TRABD2B: variants seen among roughly 807,000 people sequenced by gnomAD.
TRABD2B encodes the protein metalloprotease TIKI2.
Under a neutral mutation model 40.1 loss-of-function variants are expected in TRABD2B, and 14 were observed. The ratio of observed to expected loss-of-function variants is 0.35; its 90% CI spans 0.23 to 0.55. TRABD2B has a LOEUF of 0.55. Among genes scored for constraint, TRABD2B ranks in the 20% least tolerant of loss-of-function variants. The pLI is 0.90. For synonymous variants in TRABD2B, 263 were observed against 277.0 expected, an observed-to-expected ratio of 0.95 and a Z score of 0.50; for missense variants, 541 against 648.6, an observed-to-expected ratio of 0.83 and a Z score of 1.80.
intron 2 of TRABD2B, among the ~76,000 whole-genome samples, chr1:47,956,309 T>C (rs774108242): frequency 6.6e-6 from 1 of 152,098 alleles, no homozygotes; most frequent in Non-Finnish European, 1.5e-5. Flanking sequence ...AGAAGACGGG[T>C]GATTTCTGCA....
intron 2 of TRABD2B, among the ~76,000 whole-genome samples, chr1:47,808,654 C>T (rs181167179): frequency 6.6e-6 from 1 of 152,282 alleles, no homozygotes; most frequent in Admixed American, 6.5e-5. Context: ...AGGACTATTT[C>T]CATATGACAA....
In TRABD2B at chr1:47,888,603, GAC is replaced by G. The variant is rs1367989481; in HGVS notation, c.667-86986_667-86985del. Among the ~76,000 whole-genome samples the G allele has an allele frequency of 2.6e-5, 4 of 152,270 alleles. No homozygotes were observed. The East Asian group carries it at 7.7e-4, about 29-fold the overall frequency. On this transcript the variant is annotated intron_variant, in intron 2 of 6. Transcript: ENST00000606738. ...TCTTGATCACCTCCAAACTGGGAGT[GAC>G]AGTGACTGTCACCTGCTTACCACAC...
At chr1:47,961,843 C>A (rs1290356448) in intron 2 of TRABD2B, among the ~76,000 whole-genome samples, 2 of 152,158 alleles carry the variant, frequency 1.3e-5, no homozygotes, top group Non-Finnish European at 2.9e-5. Context: ...TACCATTTGA[C>A]CCACCCATCT....
intron 2 of TRABD2B, among the ~76,000 whole-genome samples, chr1:47,934,130 T>C (rs1645075126): frequency 6.6e-6 from 1 of 152,228 alleles, no homozygotes; most frequent in African/African-American, 2.4e-5. Context: ...TTCTGTGAGA[T>C]GGCAAGCACT....
In TRABD2B at chr1:47,794,710, G is replaced by A; in HGVS notation, c.864C>T (p.Ala288=). Residue 288 remains alanine (A), a synonymous_variant, in exon 4 of 7, where the codon GCC becomes GCT. Coordinates refer to ENST00000606738, the MANE Select transcript of TRABD2B (RefSeq NM_001194986.2). ...TTLPPHEQVT[A]QEIDSYFRQE... is the part of the protein sequence containing the mutation. ...GGCGGAAGTAGCTGTCAATCTCCTGGGCCGTCACCTGCTCGTGTGGCGGGA... is the reference window on the plus strand; with the variant it reads ...GGCGGAAGTAGCTGTCAATCTCCTGAGCCGTCACCTGCTCGTGTGGCGGGA... 2 of 1,536,270 alleles carry A rather than the reference G, an allele frequency of 1.3e-6. No homozygotes were observed. Among genetic ancestry groups the A allele is most frequent in the South Asian group, 1.2e-5 (1 of 83,982 alleles).
At position 47,916,821 on chromosome 1, in the gene TRABD2B, T is replaced by C. The variant is rs190123966; in HGVS notation, c.666+77213A>G. 1.9e-3 allele frequency among the ~76,000 whole-genome samples: 284 copies of C among 152,362 alleles called. 1 individual carries two copies. The highest frequency in any genetic ancestry group is 6.6e-3 in the African/African-American group (273 of 41,580). On this transcript the variant is annotated intron_variant, in intron 2 of 6. Coordinates refer to ENST00000606738, the MANE Select transcript of TRABD2B (RefSeq NM_001194986.2). ...TCACAGTTGCCTTCTCTTGTCTCTT[T>C]TCTTCTCCCCATTCTGTTTCACACC...
At chr1:47,977,866 G>A (rs1390099606) in intron 2 of TRABD2B, among the ~76,000 whole-genome samples, 3 of 152,060 alleles carry the variant, frequency 2.0e-5, no homozygotes, top group African/African-American at 7.2e-5. Flanking sequence ...GAGAAGAAAA[G>A]GGAGATGTCC....
At chr1:47,894,993 C>T (rs999208022) in intron 2 of TRABD2B, among the ~76,000 whole-genome samples, 4 of 152,122 alleles carry the variant, frequency 2.6e-5, no homozygotes, top group Non-Finnish European at 4.4e-5. Context: ...CTCCACCACC[C>T]CAGTCCTGGC....
At chr1:47,825,774 C>T (rs1489746010) in intron 2 of TRABD2B, among the ~76,000 whole-genome samples, 1 of 151,580 alleles carries the variant, frequency 6.6e-6, no homozygotes, top group African/African-American at 2.4e-5. Flanking sequence ...GGCTGAGTTC[C>T]CAGCATGTAG....
At chr1:47,789,110 C>T (rs6588505) in intron 4 of TRABD2B, among the ~76,000 whole-genome samples, 45,155 of 152,086 alleles carry the variant, frequency 0.3, 7,185 homozygotes, top group East Asian at 0.47. Flanking sequence ...TATGTCCTCA[C>T]AGAACATCTC....
rs566514931 is a variant in TRABD2B, at chr1:47,831,322, A to T, written c.667-29703T>A. ...AAAAATGCAAGACTGCATGGAGTTT[A>T]AAAGGTCAGCGTGAATAACAAAAAC... On this transcript the variant is annotated intron_variant, in intron 2 of 6. Transcript: ENST00000606738. 7.2e-5 allele frequency among the ~76,000 whole-genome samples: 11 copies of T among 152,330 alleles called. No individual in the cohort carries two copies. In the South Asian group the frequency reaches 2.3e-3, roughly 32 times the overall value.
chr1:47,833,145 T>G (rs1466148476), intron 2 of TRABD2B, among the ~76,000 whole-genome samples: 1 of 152,226 alleles, frequency 6.6e-6, no homozygotes, highest in African/African-American at 2.4e-5. Flanking sequence ...AATGATGTAG[T>G]CAGCACTGAT....
intron 2 of TRABD2B, among the ~76,000 whole-genome samples, chr1:47,895,610 C>T (rs1287039849): frequency 6.6e-6 from 1 of 152,232 alleles, no homozygotes; most frequent in African/African-American, 2.4e-5. Flanking sequence ...CTTTGTCACC[C>T]TGTCCATCAC....
At chr1:47,889,945 A>G (rs549753003) in intron 2 of TRABD2B, among the ~76,000 whole-genome samples, 11 of 152,246 alleles carry the variant, frequency 7.2e-5, no homozygotes, top group Non-Finnish European at 1.0e-4. Flanking sequence ...AGAGGAAGCC[A>G]AAGTAAATTA....
chr1:47,829,184 T>C (rs1043592736), intron 2 of TRABD2B, among the ~76,000 whole-genome samples: 2 of 152,142 alleles, frequency 1.3e-5, no homozygotes, highest in Non-Finnish European at 2.9e-5. Context: ...TACAAGAGGC[T>C]AATTTTAAAT....
At chr1:47,782,663 C>T (rs1372183526) in intron 4 of TRABD2B, among the ~76,000 whole-genome samples, 1 of 152,226 alleles carries the variant, frequency 6.6e-6, no homozygotes, top group Non-Finnish European at 1.5e-5. Context: ...CTTGGTGGTG[C>T]TCCTCCAGAT....
intron 4 of TRABD2B, among the ~76,000 whole-genome samples, chr1:47,788,588 T>C (rs1644628142): frequency 6.6e-6 from 1 of 152,188 alleles, no homozygotes; most frequent in African/African-American, 2.4e-5. Flanking sequence ...CCTGGAAGGC[T>C]CTTAGCTCCA....
intron 2 of TRABD2B, among the ~76,000 whole-genome samples, chr1:47,815,264 C>T (rs138305346): frequency 5.3e-5 from 8 of 152,338 alleles, no homozygotes; most frequent in Admixed American, 1.3e-4. Context: ...GATCTGCTTA[C>T]ACTGCAGATG....
At chr1:47,930,054 C>T (rs1011624515) in intron 2 of TRABD2B, among the ~76,000 whole-genome samples, 4 of 152,306 alleles carry the variant, frequency 2.6e-5, no homozygotes, top group East Asian at 3.9e-4. Context: ...AACTCTCCCT[C>T]GTCTTTGGCT....
Sources: gnomAD v4.1 joint callset for allele counts (sites outside exome capture counted in the v4.1 genomes callset) on GRCh38, gnomAD v4.1.1 for gene constraint, MANE v1.5 for transcripts, NCBI Gene and HGNC (gene_info 2026-07-23, HGNC 2026-07-21) for gene names.